Variants in TAFA1 observed in about 807,000 individuals in gnomAD.
TAFA1 encodes chemokine-like protein TAFA-1.
Under a neutral mutation model 18.5 loss-of-function variants are expected in TAFA1, and 4 were observed. That is an observed-to-expected ratio of 0.22 (90% confidence interval 0.11 to 0.49). The LOEUF (loss-of-function observed/expected upper bound fraction) is 0.49. Among genes scored for constraint, TAFA1 ranks in the 20% least tolerant of loss-of-function variants. TAFA1 has a pLI of 0.98. For missense variants in TAFA1, 147 were observed against 169.0 expected, an observed-to-expected ratio of 0.87 and a Z score of 0.72; for synonymous variants, 56 against 55.2, an observed-to-expected ratio of 1.01 and a Z score of -0.06.
At chr3:68,105,018 G>A (rs2065188559) in intron 2 of TAFA1, among the ~76,000 whole-genome samples, 1 of 152,162 alleles carries the variant, frequency 6.6e-6, no homozygotes, top group Admixed American at 6.6e-5. Context: ...TCCAGTCATG[G>A]TGGAAGCAAA....
At chr3:68,512,969 A>C (rs530793342) in intron 3 of TAFA1, among the ~76,000 whole-genome samples, 84 of 152,204 alleles carry the variant, frequency 5.5e-4, no homozygotes, top group African/African-American at 1.8e-3. Flanking sequence ...AACCGTGCAA[A>C]GTGGGTGGTT....
intron 2 of TAFA1, among the ~76,000 whole-genome samples, chr3:68,311,935 G>A (rs1249230042): frequency 2.6e-5 from 4 of 152,190 alleles, no homozygotes; most frequent in African/African-American, 9.6e-5. Context: ...GCAAACTTCT[G>A]CCTAGGCATC....
At chr3:68,039,713 A>G (rs1705125224) in intron 2 of TAFA1, among the ~76,000 whole-genome samples, 1 of 152,172 alleles carries the variant, frequency 6.6e-6, no homozygotes, top group East Asian at 1.9e-4. Flanking sequence ...GTCATTGATG[A>G]TCTCCAGAGA....
chr3:68,037,294 C>G (rs1418037733), intron 2 of TAFA1, among the ~76,000 whole-genome samples: 3 of 152,090 alleles, frequency 2.0e-5, no homozygotes, highest in African/African-American at 7.2e-5. Flanking sequence ...GGGCTTTTGT[C>G]TGGAGATGAC....
At chr3:68,053,446 T>C (rs146974992) in intron 2 of TAFA1, among the ~76,000 whole-genome samples, 8 of 152,246 alleles carry the variant, frequency 5.3e-5, no homozygotes, top group African/African-American at 1.4e-4. Flanking sequence ...CTTTTTCTAG[T>C]AGGAATGGAA....
At chr3:68,496,429 A>G (rs58970657) in intron 3 of TAFA1, among the ~76,000 whole-genome samples, 2,601 of 152,226 alleles carry the variant, frequency 0.017, 61 homozygotes, top group African/African-American at 0.059. Context: ...TCTTGTCAAA[A>G]GCTAGTCTCA....
intron 2 of TAFA1, among the ~76,000 whole-genome samples, chr3:68,077,646 C>G (rs1257021701): frequency 6.6e-6 from 1 of 152,016 alleles, no homozygotes; most frequent in African/African-American, 2.4e-5. Flanking sequence ...TCTGAGGGCT[C>G]TGTTCTGTTC....
intron 2 of TAFA1, among the ~76,000 whole-genome samples, chr3:68,378,103 G>A (rs988247498): frequency 1.3e-5 from 2 of 152,184 alleles, no homozygotes; most frequent in Admixed American, 6.5e-5. Context: ...GGCCCCATAC[G>A]GAGTCCCCAC....
At chr3:68,200,323 G>T (rs2107037168) in intron 2 of TAFA1, among the ~76,000 whole-genome samples, 1 of 151,664 alleles carries the variant, frequency 6.6e-6, no homozygotes, top group Non-Finnish European at 1.5e-5. Flanking sequence ...GTCTGGTTTT[G>T]TATTTGGGTG....
intron 2 of TAFA1, among the ~76,000 whole-genome samples, chr3:68,013,840 A>G (rs1465417046): frequency 6.6e-6 from 1 of 152,194 alleles, no homozygotes; most frequent in Admixed American, 6.5e-5. Context: ...GAAAAATGAT[A>G]TTATCACAGG....
chr3:68,239,752 G>A (rs1441908296), intron 2 of TAFA1, among the ~76,000 whole-genome samples: 2 of 152,134 alleles, frequency 1.3e-5, no homozygotes, highest in Non-Finnish European at 2.9e-5. Flanking sequence ...GTGCCACTGA[G>A]AGCAAACAGC....
At chr3:68,102,253 G>T (rs892854082) in intron 2 of TAFA1, among the ~76,000 whole-genome samples, 10 of 152,064 alleles carry the variant, frequency 6.6e-5, no homozygotes, top group Non-Finnish European at 8.8e-5. Flanking sequence ...TTAAAAGTCT[G>T]TTAACTCTCC....
chr3:68,348,703 T>A (rs183065660), intron 2 of TAFA1, among the ~76,000 whole-genome samples: 16 of 152,248 alleles, frequency 1.1e-4, no homozygotes, highest in Non-Finnish European at 1.9e-4. Context: ...AATATTTCAA[T>A]CAAAGTTTCT....
chr3:68,012,794 T>C (rs1376341124), intron 2 of TAFA1, among the ~76,000 whole-genome samples: 4 of 152,092 alleles, frequency 2.6e-5, no homozygotes, highest in Non-Finnish European at 5.9e-5. Flanking sequence ...TAGGAAAATA[T>C]CATGAGGCCC....
At chr3:68,232,666 T>C (rs2066885946) in intron 2 of TAFA1, among the ~76,000 whole-genome samples, 1 of 152,138 alleles carries the variant, frequency 6.6e-6, no homozygotes, top group Non-Finnish European at 1.5e-5. Flanking sequence ...AGTACATTGA[T>C]ACAACCATAA....
intron 2 of TAFA1, among the ~76,000 whole-genome samples, chr3:68,006,977 C>G (rs532144690): frequency 6.6e-6 from 1 of 151,456 alleles, no homozygotes; most frequent in East Asian, 2.0e-4. Context: ...ACCCCACCTG[C>G]TTCTACACAC....
At chr3:68,337,309 C>T (rs1443671448) in intron 2 of TAFA1, among the ~76,000 whole-genome samples, 3 of 151,838 alleles carry the variant, frequency 2.0e-5, no homozygotes, top group South Asian at 2.1e-4. Context: ...GCAGGGGGAG[C>T]GGGGGTGGTG....
chr3:68,239,644 G>A (rs771347143), intron 2 of TAFA1, among the ~76,000 whole-genome samples: 2 of 152,190 alleles, frequency 1.3e-5, no homozygotes, highest in Non-Finnish European at 2.9e-5. Flanking sequence ...ATGATTTTAA[G>A]TAGTGCTTAG....
At chr3:68,313,819 A>T (rs1029701556) in intron 2 of TAFA1, among the ~76,000 whole-genome samples, 40 of 152,150 alleles carry the variant, frequency 2.6e-4, no homozygotes, top group African/African-American at 9.4e-4. Flanking sequence ...CCCTTGCCTC[A>T]CTCTCAGGCC....
Sources: allele counts gnomAD v4.1 joint callset (sites outside exome capture counted in the v4.1 genomes callset), GRCh38; gene constraint gnomAD v4.1.1; transcripts MANE v1.5; gene names NCBI Gene and HGNC (gene_info 2026-07-23, HGNC 2026-07-21).